PCSK5: variants seen among roughly 807,000 people sequenced by gnomAD.
PCSK5 encodes proprotein convertase subtilisin/kexin type 5.
A neutral mutation model predicts 233.2 loss-of-function variants in PCSK5; 129 were observed. That is an observed-to-expected ratio of 0.55 (90% confidence interval 0.48 to 0.64). The LOEUF (loss-of-function observed/expected upper bound fraction) is 0.64, where lower values mean the gene tolerates loss of function less well. Among genes scored for constraint, PCSK5 ranks in the 30% least tolerant of loss-of-function variants. The pLI is 0.00. For missense variants in PCSK5, 2,076 were observed against 2,430.1 expected (o/e 0.85, Z 3.06); for synonymous variants, 825 against 879.2 (o/e 0.94, Z 1.09).
In PCSK5 at chr9:76,189,710, T is replaced by C; in HGVS notation, c.2590T>C (p.Leu864=). ...CTGCCCTAGTGGGTATCTCTTAGACTTAGGAATGTGTCAAATGGGAGCCAT... is the reference window on the plus strand; with the variant it reads ...CTGCCCTAGTGGGTATCTCTTAGACCTAGGAATGTGTCAAATGGGAGCCAT... ...TSCPSGYLLD[L]GMCQMGAICK... Residue 864 remains leucine (L), a synonymous_variant, in exon 20 of 38, where the codon TTA becomes CTA. Coordinates refer to ENST00000674117, the MANE Select transcript of PCSK5 (RefSeq NM_001372043.1). The C allele has an allele frequency of 6.2e-7, 1 of 1,611,186 alleles. No homozygotes were observed. The highest frequency in any genetic ancestry group is 8.5e-7 in the Non-Finnish European group (1 of 1,177,546).
intron 20 of PCSK5, chr9:76,193,144 G>A: frequency 9.2e-7 from 1 of 1,084,422 alleles, no homozygotes; most frequent in East Asian, 2.6e-5. Flanking sequence ...CCCCAAATCT[G>A]CCTCTCTGGC....
intron 24 of PCSK5, chr9:76,287,901 C>T (rs138162497): frequency 7.1e-4 from 132 of 187,140 alleles, no homozygotes; most frequent in African/African-American, 3.1e-3. Context: ...TGCATGTGGG[C>T]CCCAGGGCAC....
At chr9:75,962,967 G>A (rs940426483) in intron 2 of PCSK5, among the ~76,000 whole-genome samples, 4 of 152,086 alleles carry the variant, frequency 2.6e-5, no homozygotes, top group African/African-American at 9.7e-5. Flanking sequence ...ACTAGCTGTG[G>A]GAACATGGGC....
chr9:75,900,803 G>A (rs1201803354), intron 1 of PCSK5, among the ~76,000 whole-genome samples: 2 of 149,810 alleles, frequency 1.3e-5, no homozygotes, highest in African/African-American at 2.5e-5. Flanking sequence ...GATAAATGAT[G>A]TAGTCATCCC....
chr9:76,322,585 T>C (rs1441092521), intron 31 of PCSK5, among the ~76,000 whole-genome samples: 1 of 152,214 alleles, frequency 6.6e-6, no homozygotes, highest in Non-Finnish European at 1.5e-5. Flanking sequence ...CCGCAATGTA[T>C]TCTTCACACT....
intron 24 of PCSK5, among the ~76,000 whole-genome samples, chr9:76,268,905 A>C (rs1179468441): frequency 6.6e-6 from 1 of 152,248 alleles, no homozygotes; most frequent in African/African-American, 2.4e-5. Flanking sequence ...GTGATCAGTA[A>C]AACTGGATTT....
At chr9:76,226,302 A>T (rs1244207459) in intron 20 of PCSK5, among the ~76,000 whole-genome samples, 2 of 152,204 alleles carry the variant, frequency 1.3e-5, no homozygotes, top group Non-Finnish European at 2.9e-5. Context: ...TAGTGCTAGC[A>T]AGTGTAAAAT....
intron 27 of PCSK5, among the ~76,000 whole-genome samples, chr9:76,300,131 A>G (rs1828558703): frequency 6.6e-6 from 1 of 152,246 alleles, no homozygotes; most frequent in Non-Finnish European, 1.5e-5. Context: ...GGAAAGACTG[A>G]AATCCCAGAG....
chr9:76,093,267 T>C (rs1440649927), intron 7 of PCSK5, among the ~76,000 whole-genome samples: 1 of 151,752 alleles, frequency 6.6e-6, no homozygotes, highest in Non-Finnish European at 1.5e-5. Context: ...TATTTCTTTT[T>C]AATTTTTTGT....
At chr9:76,280,584 G>A (rs60795901) in intron 24 of PCSK5, among the ~76,000 whole-genome samples, 19,378 of 151,770 alleles carry the variant, frequency 0.13, 1,687 homozygotes, top group African/African-American at 0.25. Flanking sequence ...TCTACTAAAA[G>A]TACAACAATT....
At chr9:76,111,152 G>C (rs538087030) in intron 9 of PCSK5, among the ~76,000 whole-genome samples, 8 of 152,214 alleles carry the variant, frequency 5.3e-5, no homozygotes, top group African/African-American at 1.9e-4. Context: ...AAATAACTTT[G>C]CTGTAACAGC....
intron 20 of PCSK5, chr9:76,193,161 C>T: frequency 1.5e-6 from 2 of 1,341,182 alleles, no homozygotes; most frequent in Non-Finnish European, 2.1e-6. Context: ...TGGCCAATCA[C>T]AACCTTCTTC....
At chr9:76,341,418 A>G (rs1045045287) in intron 35 of PCSK5, among the ~76,000 whole-genome samples, 2 of 152,122 alleles carry the variant, frequency 1.3e-5, no homozygotes, top group Non-Finnish European at 2.9e-5. Flanking sequence ...ATTTAAATTC[A>G]TGTTCTAATT....
Position 76,072,059 on chromosome 9 carries a change from T to C in PCSK5, c.894+161T>C, listed in dbSNP as rs190954322. 6.8e-3 allele frequency among the ~76,000 whole-genome samples: 1,034 copies of C among 152,340 alleles called. 7 individuals are homozygous for C. The highest frequency in any genetic ancestry group is 9.4e-3 in the Non-Finnish European group (639 of 68,034). On this transcript the variant is annotated intron_variant, in intron 7 of 37. Coordinates refer to ENST00000674117, the MANE Select transcript of PCSK5 (RefSeq NM_001372043.1). ...AAGAGGTGGTGAACATTTGGGATTG[T>C]GAGTTATTTCTGTTCTGCCAGTGAA...
chr9:76,230,628 C>A (rs1322416298), intron 21 of PCSK5, among the ~76,000 whole-genome samples: 1 of 152,156 alleles, frequency 6.6e-6, no homozygotes, highest in Non-Finnish European at 1.5e-5. Flanking sequence ...AGTGAAGCCT[C>A]GTCTGTATTT....
At chr9:76,152,876 G>A (rs529312867) in intron 10 of PCSK5, among the ~76,000 whole-genome samples, 1 of 152,174 alleles carries the variant, frequency 6.6e-6, no homozygotes, top group South Asian at 2.1e-4. Context: ...ACCTACTTGT[G>A]CGCCTAACAA....
At chr9:76,250,433 A>C (rs930058590) in intron 24 of PCSK5, among the ~76,000 whole-genome samples, 2 of 152,202 alleles carry the variant, frequency 1.3e-5, no homozygotes, top group African/African-American at 4.8e-5. Flanking sequence ...TACGTCATAC[A>C]TGTGATAAAG....
chr9:76,055,600 T>C (rs13291278), intron 5 of PCSK5, among the ~76,000 whole-genome samples: 33,219 of 152,014 alleles, frequency 0.22, 3,821 homozygotes, highest in Non-Finnish European at 0.24. Flanking sequence ...TATGCTGTCA[T>C]CAATACTAAT....
intron 20 of PCSK5, among the ~76,000 whole-genome samples, chr9:76,200,011 T>C (rs1824857269): frequency 6.6e-6 from 1 of 152,112 alleles, no homozygotes; most frequent in South Asian, 2.1e-4. Context: ...GCCCACTCCA[T>C]AGCTGTGACT....
Sources: gnomAD v4.1 joint callset for allele counts (sites outside exome capture counted in the v4.1 genomes callset) on GRCh38, gnomAD v4.1.1 for gene constraint, MANE v1.5 for transcripts, NCBI Gene and HGNC (gene_info 2026-07-23, HGNC 2026-07-21) for gene names.